COLEC12: variants seen among roughly 807,000 people sequenced by gnomAD.
COLEC12 encodes collectin-12.
COLEC12 carries 33 observed loss-of-function variants against 71.1 expected under a neutral mutation model. The ratio of observed to expected loss-of-function variants is 0.46; its 90% CI spans 0.35 to 0.62. COLEC12 has a LOEUF of 0.62. Ranked by LOEUF, COLEC12 falls within the 20% of genes least tolerant of loss-of-function variation. COLEC12 has a pLI of 0.00. For synonymous variants in COLEC12, 350 were observed against 353.0 expected (o/e 0.99, Z 0.10); for missense variants, 765 against 916.1 (o/e 0.84, Z 2.13).
At chr18:377,623 G>A (rs565165567) in intron 2 of COLEC12, among the ~76,000 whole-genome samples, 2 of 152,226 alleles carry the variant, frequency 1.3e-5, no homozygotes, top group African/African-American at 2.4e-5. Context: ...TGGGAGAAGT[G>A]CGCTGGGCTG....
chr18:347,039 G>T lies in COLEC12; in HGVS notation c.583C>A (p.Gln195Lys), dbSNP rs1914395547. The change falls in exon 5 of 10, where the codon CAA becomes AAA. Residue 195 changes from glutamine (Q) to lysine (K), a missense_variant. Coordinates refer to ENST00000400256, the MANE Select transcript of COLEC12 (RefSeq NM_130386.3). ...TSVLQGNLQNQMYSHNVVIMN... is the reference protein window; with the variant it reads ...TSVLQGNLQNKMYSHNVVIMN... ...ATGACCACATTATGAGAATACATTTGGTTCTGCAGATTGCCCTGGAGCACG... is the reference window on the plus strand; with the variant it reads ...ATGACCACATTATGAGAATACATTTTGTTCTGCAGATTGCCCTGGAGCACG... The T allele has an allele frequency of 1.9e-6, 3 of 1,614,052 alleles. No individual in the cohort carries two copies. The highest frequency in any genetic ancestry group is 2.5e-6 in the Non-Finnish European group (3 of 1,180,036).
At chr18:406,823 C>T (rs1473010103) in intron 2 of COLEC12, among the ~76,000 whole-genome samples, 1 of 152,240 alleles carries the variant, frequency 6.6e-6, no homozygotes, top group Non-Finnish European at 1.5e-5. Context: ...TACCTCCTCA[C>T]TCGGTGCTGG....
chr18:426,846 GATA>G (rs1166958256), intron 2 of COLEC12, among the ~76,000 whole-genome samples: 2 of 152,166 alleles, frequency 1.3e-5, no homozygotes, highest in Non-Finnish European at 2.9e-5. Flanking sequence ...CGAAGGATTC[GATA>G]ACTTGCTCAA....
intron 2 of COLEC12, among the ~76,000 whole-genome samples, chr18:387,343 A>T (rs1299963164): frequency 6.6e-6 from 1 of 152,216 alleles, no homozygotes; most frequent in Non-Finnish European, 1.5e-5. Flanking sequence ...CTTTAGAGAA[A>T]GCAAAAAATT....
At chr18:324,124 T>G (rs911402971) in intron 8 of COLEC12, among the ~76,000 whole-genome samples, 1 of 152,046 alleles carries the variant, frequency 6.6e-6, no homozygotes, top group Non-Finnish European at 1.5e-5. Context: ...CAATTTATTC[T>G]GTGGGCTGAC....
At chr18:462,698 G>A (rs1917006366) in intron 2 of COLEC12, among the ~76,000 whole-genome samples, 1 of 152,140 alleles carries the variant, frequency 6.6e-6, no homozygotes, top group Admixed American at 6.5e-5. Flanking sequence ...CTATAAAGCT[G>A]TTATTAAAAA....
At chr18:485,506 T>C (rs1365803038) in intron 1 of COLEC12, among the ~76,000 whole-genome samples, 1 of 152,266 alleles carries the variant, frequency 6.6e-6, no homozygotes, top group Non-Finnish European at 1.5e-5. Flanking sequence ...AGCTGAACTT[T>C]TGCATTTTCA....
intron 5 of COLEC12, among the ~76,000 whole-genome samples, chr18:338,611 C>T (rs1436237577): frequency 6.6e-6 from 1 of 152,136 alleles, no homozygotes; most frequent in Non-Finnish European, 1.5e-5. Flanking sequence ...ATAGCCTATG[C>T]CATTTAGTAA....
intron 2 of COLEC12, among the ~76,000 whole-genome samples, chr18:469,487 A>G (rs147948359): frequency 0.015 from 2,293 of 152,344 alleles, 53 homozygotes; most frequent in African/African-American, 0.052. Context: ...AGTAAACGTC[A>G]CATCACTTTG....
chr18:351,877 T>C (rs1319802018), intron 3 of COLEC12, among the ~76,000 whole-genome samples: 4 of 152,196 alleles, frequency 2.6e-5, no homozygotes, highest in Non-Finnish European at 5.9e-5. Context: ...ATGGGGTTTC[T>C]CTATGTTGGC....
chr18:443,818 T>G (rs1009094543), intron 2 of COLEC12, among the ~76,000 whole-genome samples: 2 of 152,176 alleles, frequency 1.3e-5, no homozygotes, highest in Non-Finnish European at 2.9e-5. Context: ...GGGGTGGATC[T>G]CTGAATGACT....
intron 5 of COLEC12, among the ~76,000 whole-genome samples, chr18:338,062 C>T (rs1914158305): frequency 6.6e-6 from 1 of 152,204 alleles, no homozygotes; most frequent in Non-Finnish European, 1.5e-5. Context: ...CCCACCTGAT[C>T]AGTCTGGCAT....
At chr18:440,023 G>T (rs117630769) in intron 2 of COLEC12, among the ~76,000 whole-genome samples, 1 of 150,896 alleles carries the variant, frequency 6.6e-6, no homozygotes, top group South Asian at 2.1e-4. Flanking sequence ...ATATTATTCA[G>T]CCATAAGAAA....
chr18:348,120 A>G lies in COLEC12; in HGVS notation c.225T>C (p.Ser75=). Residue 75 remains serine, a synonymous_variant, in exon 4 of 10, where the codon TCT becomes TCC. Transcript: ENST00000400256. ...TGAGCTTGTCATCATAGGTTTGGCG[A>G]GATGTTTCCATGCCACCTGTGACAT... ...MDNVTGGMET[S]RQTYDDKLTA... 2 of 1,614,042 alleles carry G rather than the reference A, an allele frequency of 1.2e-6. No individual in the cohort carries two copies. Among genetic ancestry groups the G allele is most frequent in the East Asian group, 2.2e-5 (1 of 44,878 alleles).
In COLEC12 at chr18:480,917, C is replaced by T. The variant is rs952793909; in HGVS notation, c.8-160G>A. On this transcript the variant is annotated intron_variant, in intron 1 of 9. Coordinates refer to ENST00000400256, the MANE Select transcript of COLEC12 (RefSeq NM_130386.3). This position sits in a 1 kb window ranked among gnomAD's most constrained non-coding sequence, Gnocchi z 4.1. ...TTCTGGAAGAGGCGGCAGGGGTCTC[C>T]ACCCTGGCTGCTCCTGCTGCTTGGG... is the stretch of plus-strand genomic sequence containing the variant. Among the ~76,000 whole-genome samples, 1 of 152,186 alleles carries T rather than the reference C, an allele frequency of 6.6e-6. No homozygotes were observed.
chr18:379,834 C>T (rs184868205), intron 2 of COLEC12, among the ~76,000 whole-genome samples: 5 of 152,236 alleles, frequency 3.3e-5, no homozygotes, highest in African/African-American at 4.8e-5. Flanking sequence ...GTGAGCATGG[C>T]TGGGACAGTG....
rs531228249 is a variant in COLEC12 at position 378,499 on chromosome 18, C to A, written c.59-20977G>T. 2.0e-5 allele frequency among the ~76,000 whole-genome samples: 3 copies of A among 152,270 alleles called. 1 individual carries two copies. The South Asian group carries it at 6.2e-4, about 32-fold the overall frequency. ...GATGCAATTGGCACGGGTTTTTCAGCCAACACAGAGGCCCACAGGGTGTGG... is the reference window on the plus strand; with the variant it reads ...GATGCAATTGGCACGGGTTTTTCAGACAACACAGAGGCCCACAGGGTGTGG... On this transcript the variant is annotated intron_variant, in intron 2 of 9. Coordinates refer to ENST00000400256, the MANE Select transcript of COLEC12 (RefSeq NM_130386.3).
chr18:326,537 C>T (rs1023596004), intron 8 of COLEC12, among the ~76,000 whole-genome samples: 17 of 152,216 alleles, frequency 1.1e-4, no homozygotes, highest in Admixed American at 3.9e-4. Context: ...TTAGTAGAGA[C>T]GGGGTTTCAC....
At position 318,814 on chromosome 18, in the gene COLEC12, C is replaced by A. The variant is rs1194749366; in HGVS notation, c.*1231G>T. ...GGCTGGAAAGGTTCTTTTAAGAGTT[C>A]CACAAAGTGGCCAAAAGTTTATTCT... On this transcript the variant is annotated 3_prime_UTR_variant, in exon 10 of 10. Transcript: ENST00000400256. 1 of 152,140 alleles carries A rather than the reference C, an allele frequency of 6.6e-6. No homozygotes were observed. The highest frequency in any genetic ancestry group is 2.4e-5 in the African/African-American group (1 of 41,414). 9.4% of individuals were successfully genotyped at this position (152,140 alleles called of 1,614,324 possible). A position where few individuals can be genotyped will look rare whatever the true frequency, so the allele number is the denominator to read the frequency against.
Sources: allele counts gnomAD v4.1 joint callset (sites outside exome capture counted in the v4.1 genomes callset), GRCh38; gene constraint gnomAD v4.1.1; non-coding constraint Gnocchi (gnomAD v3.1); transcripts MANE v1.5; gene names NCBI Gene and HGNC (gene_info 2026-07-23, HGNC 2026-07-21).